ADGRL3: variants seen among roughly 807,000 people sequenced by gnomAD.
ADGRL3 encodes the protein calcium-independent alpha-latrotoxin receptor 3.
ADGRL3 carries 62 observed loss-of-function variants against 153.5 expected under a neutral mutation model. The observed-to-expected ratio is 0.40, with a 90% CI of 0.33 to 0.50. The LOEUF (loss-of-function observed/expected upper bound fraction) is 0.50, where lower values mean the gene tolerates loss of function less well. Ranked by LOEUF, ADGRL3 falls within the 20% of genes least tolerant of loss-of-function variation. ADGRL3 has a pLI of 0.47. For missense variants in ADGRL3, 1,641 were observed against 1,859.4 expected (o/e 0.88, Z 2.16); for synonymous variants, 710 against 672.5 (o/e 1.06, Z -0.86).
chr4:61,383,725 A>G (rs1295925617), intron 2 of ADGRL3, among the ~76,000 whole-genome samples: 1 of 151,800 alleles, frequency 6.6e-6, no homozygotes, highest in Admixed American at 6.6e-5. Context: ...TAAGCAAATT[A>G]CTTTAAAAAT....
intron 8 of ADGRL3, among the ~76,000 whole-genome samples, chr4:61,769,574 C>T (rs980793696): frequency 6.6e-6 from 1 of 152,138 alleles, no homozygotes; most frequent in African/African-American, 2.4e-5. Context: ...GACCACCAAA[C>T]AGGCTTTGTG....
intron 5 of ADGRL3, among the ~76,000 whole-genome samples, chr4:61,669,328 G>A (rs1265527779): frequency 1.3e-5 from 2 of 152,018 alleles, no homozygotes; most frequent in African/African-American, 4.8e-5. Flanking sequence ...TGTCATATAA[G>A]CAAGTCTTAG....
chr4:61,301,314 C>G (rs1206713763), intron 1 of ADGRL3, among the ~76,000 whole-genome samples: 5 of 152,132 alleles, frequency 3.3e-5, no homozygotes, highest in Admixed American at 3.3e-4. Context: ...TATTAGCCAG[C>G]AATGAGAAGA....
chr4:61,290,315 T>C (rs556389772), intron 1 of ADGRL3, among the ~76,000 whole-genome samples: 24 of 152,232 alleles, frequency 1.6e-4, no homozygotes, highest in Non-Finnish European at 3.2e-4. Context: ...TCAGAACATA[T>C]GGTTAGGTTG....
chr4:61,641,849 G>A lies in ADGRL3; in HGVS notation c.474-34977G>A, dbSNP rs1348731263. Among the ~76,000 whole-genome samples the A allele has an allele frequency of 7.4e-5, 11 of 149,164 alleles. No homozygotes were observed. In the East Asian group the frequency reaches 2.0e-3, roughly 27 times the overall value. On this transcript the variant is annotated intron_variant, in intron 5 of 26. Coordinates refer to ENST00000683033, the MANE Select transcript of ADGRL3 (RefSeq NM_001387552.1). Reference sequence around the variant, plus strand: ...ATGGTATTTCTAGTTCTAGGTCCCTGAGGAATCGCCACACTGACTTCCACA... The same window carrying A: ...ATGGTATTTCTAGTTCTAGGTCCCTAAGGAATCGCCACACTGACTTCCACA...
intron 9 of ADGRL3, among the ~76,000 whole-genome samples, chr4:61,848,648 G>A (rs2098166020): frequency 6.6e-6 from 1 of 152,006 alleles, no homozygotes; most frequent in Non-Finnish European, 1.5e-5. Flanking sequence ...ATATCACCCT[G>A]TATTCTAAAT....
At chr4:61,570,904 A>G (rs184046116) in intron 4 of ADGRL3, among the ~76,000 whole-genome samples, 1 of 152,170 alleles carries the variant, frequency 6.6e-6, no homozygotes, top group African/African-American at 2.4e-5. Flanking sequence ...ATGTTTTCCT[A>G]CTTCTGTGTT....
chr4:61,852,287 AATTTTATTTT>A (rs199939145), intron 9 of ADGRL3, among the ~76,000 whole-genome samples: 52 of 105,810 alleles, frequency 4.9e-4, no homozygotes, highest in Middle Eastern at 4.3e-3. Context: ...ATTTTATTTT[AATTTTATTTT>A]ATTTTATTTT....
chr4:62,067,561 A>G (rs202206421), intron 25 of ADGRL3, among the ~76,000 whole-genome samples: 29 of 152,116 alleles, frequency 1.9e-4, no homozygotes, highest in South Asian at 8.3e-4. Context: ...AAAAATGACA[A>G]TATTGCTCAG....
At chr4:61,700,563 G>T (rs866271029) in intron 6 of ADGRL3, among the ~76,000 whole-genome samples, 5 of 152,152 alleles carry the variant, frequency 3.3e-5, no homozygotes, top group African/African-American at 1.2e-4. Context: ...CTGAGCTAAG[G>T]TGCCAATGAT....
chr4:61,685,304 A>G (rs1463606588), intron 6 of ADGRL3, among the ~76,000 whole-genome samples: 2 of 152,114 alleles, frequency 1.3e-5, no homozygotes, highest in Non-Finnish European at 2.9e-5. Context: ...GCTGCCTACT[A>G]TGGTCCTATA....
chr4:61,224,022 T>A (rs1231082815), intron 1 of ADGRL3, among the ~76,000 whole-genome samples: 2 of 152,098 alleles, frequency 1.3e-5, no homozygotes, highest in Admixed American at 6.5e-5. Context: ...TTTGAAATAA[T>A]TTTTAAAAAT....
intron 25 of ADGRL3, among the ~76,000 whole-genome samples, chr4:62,061,154 T>C (rs1326395545): frequency 6.6e-6 from 1 of 151,950 alleles, no homozygotes; most frequent in Admixed American, 6.6e-5. Context: ...AAAATACTAT[T>C]ACCCACACTT....
At chr4:61,741,712 C>T (rs994386117) in intron 8 of ADGRL3, among the ~76,000 whole-genome samples, 3 of 152,186 alleles carry the variant, frequency 2.0e-5, no homozygotes, top group African/African-American at 7.2e-5. Flanking sequence ...GTAAAAGAAT[C>T]ACAGTCCTGT....
chr4:61,451,925 T>C (rs894544248), intron 2 of ADGRL3, among the ~76,000 whole-genome samples: 2 of 152,212 alleles, frequency 1.3e-5, no homozygotes, highest in African/African-American at 4.8e-5. Context: ...TTGCTACAAT[T>C]GACTACATTT....
intron 2 of ADGRL3, among the ~76,000 whole-genome samples, chr4:61,424,490 C>T (rs749976242): frequency 8.5e-5 from 13 of 152,280 alleles, no homozygotes; most frequent in African/African-American, 1.9e-4. Flanking sequence ...CAGGGCCCAA[C>T]GTAGGCCAGA....
intron 3 of ADGRL3, among the ~76,000 whole-genome samples, chr4:61,504,393 A>G (rs2098413566): frequency 6.6e-6 from 1 of 152,130 alleles, no homozygotes; most frequent in African/African-American, 2.4e-5. Context: ...AATAGTGCAC[A>G]TTTATGGGGT....
rs552582534 is a variant in ADGRL3 at position 61,778,037 on chromosome 4, A to G, written c.1400-35772A>G. Among the ~76,000 whole-genome samples, 4 of 152,330 alleles carry G rather than the reference A, an allele frequency of 2.6e-5. No individual in the cohort carries two copies. In the South Asian group the frequency reaches 8.3e-4, roughly 32 times the overall value. On this transcript the variant is annotated intron_variant, in intron 8 of 26. Coordinates refer to ENST00000683033, the MANE Select transcript of ADGRL3 (RefSeq NM_001387552.1). Reference sequence around the variant, plus strand: ...AAAATCTAAAACTTTTTGAGTGTCAACAACCTCCCACAAAAGGAAAATTCC... The same window carrying G: ...AAAATCTAAAACTTTTTGAGTGTCAGCAACCTCCCACAAAAGGAAAATTCC...
At chr4:62,054,251 A>G (rs910885606) in intron 25 of ADGRL3, among the ~76,000 whole-genome samples, 2 of 151,710 alleles carry the variant, frequency 1.3e-5, no homozygotes, top group Non-Finnish European at 3.0e-5. Context: ...TCAAGTTAAA[A>G]GAACACAGAA....
Sources: allele counts gnomAD v4.1 joint callset (sites outside exome capture counted in the v4.1 genomes callset), GRCh38; gene constraint gnomAD v4.1.1; transcripts MANE v1.5; gene names NCBI Gene and HGNC (gene_info 2026-07-23, HGNC 2026-07-21).